PCDH11Y: variants seen among roughly 807,000 people sequenced by gnomAD.
PCDH11Y encodes the protein protocadherin 11 Y-linked.
For missense variants in PCDH11Y, 12 were observed against 224.8 expected (o/e 0.05, Z 6.05); for synonymous variants, 9 against 83.6 (o/e 0.11, Z 4.87).
At chrY:5,351,878 T>A in intron 2 of PCDH11Y, among the ~76,000 whole-genome samples, 1 of 30,395 alleles carries the variant, frequency 3.3e-5, no homozygotes, top group Non-Finnish European at 7.8e-5. Flanking sequence ...CTAATATAGA[T>A]GTTAATAATG....
chrY:5,266,116 T>C, intron 2 of PCDH11Y, among the ~76,000 whole-genome samples: 2 of 32,977 alleles, frequency 6.1e-5, no homozygotes, highest in African/African-American at 2.4e-4. Flanking sequence ...TATTGGTAGT[T>C]AGATCAGAAA....
rs756595765 is a variant in PCDH11Y, at chrY:5,030,460, CTT to C, written c.-133-1445_-133-1444del. On this transcript the variant is annotated intron_variant, in intron 1 of 5. Coordinates refer to the PCDH11Y transcript ENST00000333703. ...GCAAATAACTTTTATAATTAAGTAACTTATAAAATCTCAGATTAAAGTAAATT... is the reference window on the plus strand; with the variant it reads ...GCAAATAACTTTTATAATTAAGTAACATAAAATCTCAGATTAAAGTAAATT... 3.3e-3 allele frequency among the ~76,000 whole-genome samples: 110 copies of C among 33,701 alleles called. No homozygotes were observed. In the East Asian group the frequency reaches 0.082, roughly 25 times the overall value. 90.4% of individuals were successfully genotyped at this position (33,701 alleles called of 37,273 possible).
At chrY:5,280,637 A>C in intron 2 of PCDH11Y, among the ~76,000 whole-genome samples, 1 of 31,899 alleles carries the variant, frequency 3.1e-5, no homozygotes, top group African/African-American at 1.2e-4. Context: ...TAGTAATGGG[A>C]TTTCTGTGTC....
At chrY:5,262,890 C>T (rs2124658386) in intron 2 of PCDH11Y, among the ~76,000 whole-genome samples, 1 of 32,227 alleles carries the variant, frequency 3.1e-5, no homozygotes, top group East Asian at 8.6e-4. Context: ...GCTCAAGGTC[C>T]CCATGCTGTG....
At chrY:5,479,196 C>T (rs2053323066) in intron 2 of PCDH11Y, among the ~76,000 whole-genome samples, 1 of 33,331 alleles carries the variant, frequency 3.0e-5, no homozygotes, top group Non-Finnish European at 7.4e-5. Flanking sequence ...ATATTTAGTG[C>T]TTCCTTCAGG....
chrY:5,426,202 A>G, intron 2 of PCDH11Y, among the ~76,000 whole-genome samples: 1 of 33,159 alleles, frequency 3.0e-5, no homozygotes, highest in African/African-American at 1.2e-4. Flanking sequence ...ACTATTTTTG[A>G]GAGAATAGGG....
At chrY:5,500,853 T>C (rs1602934851) in intron 2 of PCDH11Y, among the ~76,000 whole-genome samples, 2 of 33,820 alleles carry the variant, frequency 5.9e-5, no homozygotes, top group East Asian at 1.6e-3. Context: ...TGTTTTGAAA[T>C]ATAATGGAAG....
At chrY:5,579,260 T>C in intron 3 of PCDH11Y, among the ~76,000 whole-genome samples, 1 of 32,869 alleles carries the variant, frequency 3.0e-5, no homozygotes, top group Non-Finnish European at 7.6e-5. Flanking sequence ...TTTATGAAAC[T>C]CAAAGAGGAG....
intron 2 of PCDH11Y, among the ~76,000 whole-genome samples, chrY:5,275,348 T>G: frequency 3.1e-5 from 1 of 31,882 alleles, no homozygotes; most frequent in African/African-American, 1.2e-4. Flanking sequence ...TTAATAAAAC[T>G]AAATGTTCCA....
chrY:5,724,104 T>C, intron 4 of PCDH11Y, among the ~76,000 whole-genome samples: 1 of 33,632 alleles, frequency 3.0e-5, no homozygotes, highest in Non-Finnish European at 7.5e-5. Context: ...CAAACAGCAC[T>C]CTAGCCCAAC....
chrY:5,711,118 A>G (rs2053586069), intron 4 of PCDH11Y, among the ~76,000 whole-genome samples: 1 of 14,638 alleles, frequency 6.8e-5, no homozygotes, highest in African/African-American at 2.8e-4. Flanking sequence ...TAATAATAAC[A>G]TGGTTCCTGA....
At chrY:5,530,581 T>C in intron 3 of PCDH11Y, among the ~76,000 whole-genome samples, 1 of 33,129 alleles carries the variant, frequency 3.0e-5, no homozygotes, top group African/African-American at 1.2e-4. Flanking sequence ...TGGTCACAGT[T>C]GACATGGAAG....
chrY:5,626,702 A>AT, intron 4 of PCDH11Y, among the ~76,000 whole-genome samples: 1 of 32,693 alleles, frequency 3.1e-5, no homozygotes, highest in East Asian at 7.9e-4. Flanking sequence ...CTCTATTTTG[A>AT]TTTTTTTTAA....
chrY:5,283,481 T>G, intron 2 of PCDH11Y, among the ~76,000 whole-genome samples: 1 of 32,303 alleles, frequency 3.1e-5, no homozygotes. Context: ...GTGCATAGAT[T>G]CCTCTCTTGT....
chrY:5,471,534 T>G, intron 2 of PCDH11Y, among the ~76,000 whole-genome samples: 1 of 32,783 alleles, frequency 3.1e-5, no homozygotes, highest in African/African-American at 1.2e-4. Flanking sequence ...CAAGTTTTAC[T>G]GTTAGCATCC....
chrY:5,334,752 A>G, intron 2 of PCDH11Y, among the ~76,000 whole-genome samples: 6 of 32,795 alleles, frequency 1.8e-4, no homozygotes, highest in African/African-American at 7.2e-4. Flanking sequence ...AAGTAATTCA[A>G]TTGGAATACA....
intron 4 of PCDH11Y, among the ~76,000 whole-genome samples, chrY:5,718,861 CT>C: frequency 3.0e-5 from 1 of 33,103 alleles, no homozygotes; most frequent in African/African-American, 1.2e-4. Flanking sequence ...TTCCTAGAGA[CT>C]TGTTGAATGG....
intron 2 of PCDH11Y, among the ~76,000 whole-genome samples, chrY:5,346,521 G>A: frequency 6.2e-5 from 2 of 32,016 alleles, no homozygotes; most frequent in Non-Finnish European, 1.5e-4. Flanking sequence ...TTTTTGAAAC[G>A]GAGTCTCACT....
chrY:5,227,059 C>T, intron 2 of PCDH11Y, among the ~76,000 whole-genome samples: 1 of 32,006 alleles, frequency 3.1e-5, no homozygotes, highest in African/African-American at 1.2e-4. Flanking sequence ...AACATTCATT[C>T]TTCCAATCCA....
Sources: allele counts gnomAD v4.1 joint callset (sites outside exome capture counted in the v4.1 genomes callset), GRCh38; gene constraint gnomAD v4.1.1; transcripts MANE v1.5; gene names NCBI Gene and HGNC (gene_info 2026-07-23, HGNC 2026-07-21).